FARS2: variants seen among roughly 807,000 people sequenced by gnomAD.
The protein encoded by FARS2 is phenylalanine--tRNA ligase, mitochondrial.
A neutral mutation model predicts 46.4 loss-of-function variants in FARS2; 40 were observed. The ratio of observed to expected loss-of-function variants is 0.86; its 90% CI spans 0.67 to 1.12. FARS2 has a LOEUF of 1.12. Ranked by LOEUF, FARS2 falls within the 50% of genes most tolerant of loss-of-function variation. The pLI is 0.00. For synonymous variants in FARS2, 234 were observed against 214.9 expected, an observed-to-expected ratio of 1.09 and a Z score of -0.78; for missense variants, 513 against 567.9, an observed-to-expected ratio of 0.90 and a Z score of 0.98.
At chr6:5,706,880 G>C (rs923201086) in intron 6 of FARS2, among the ~76,000 whole-genome samples, 2 of 152,234 alleles carry the variant, frequency 1.3e-5, no homozygotes, top group Admixed American at 1.3e-4. Context: ...GAAATTTCGA[G>C]CTTTCCATCC....
chr6:5,617,239 T>G (rs1049011334), intron 6 of FARS2, among the ~76,000 whole-genome samples: 1 of 152,260 alleles, frequency 6.6e-6, no homozygotes, highest in Non-Finnish European at 1.5e-5. Flanking sequence ...ACTTATTCAG[T>G]TCCTTCTGAA....
At chr6:5,422,698 A>G (rs1762620841) in intron 3 of FARS2, among the ~76,000 whole-genome samples, 1 of 152,368 alleles carries the variant, frequency 6.6e-6, no homozygotes, top group Admixed American at 6.5e-5. Flanking sequence ...ATGAAGTGAG[A>G]GCAGGCATGG....
chr6:5,723,038 G>T (rs1184951824), intron 6 of FARS2, among the ~76,000 whole-genome samples: 1 of 152,174 alleles, frequency 6.6e-6, no homozygotes, highest in African/African-American at 2.4e-5. Flanking sequence ...CAGGCAGGAG[G>T]ATGAGTTGGG....
At chr6:5,674,499 T>C (rs1186821096) in intron 6 of FARS2, among the ~76,000 whole-genome samples, 1 of 152,202 alleles carries the variant, frequency 6.6e-6, no homozygotes, top group African/African-American at 2.4e-5. Context: ...GCAGAGGTAA[T>C]AGTTTGGAAG....
chr6:5,484,339 T>A (rs1022785237), intron 4 of FARS2, among the ~76,000 whole-genome samples: 2 of 152,158 alleles, frequency 1.3e-5, no homozygotes, highest in Non-Finnish European at 2.9e-5. Context: ...TCATCATGTA[T>A]TTGCGTCTAA....
At chr6:5,262,627 C>A (rs950840050) in intron 1 of FARS2, among the ~76,000 whole-genome samples, 1 of 152,128 alleles carries the variant, frequency 6.6e-6, no homozygotes, top group Non-Finnish European at 1.5e-5. Flanking sequence ...TCTGACCTTA[C>A]CATTCTTTAG....
In FARS2 at chr6:5,545,334, G is replaced by A. The variant is rs768080529; in HGVS notation, c.1059G>A (p.Lys353=). The change falls in exon 5 of 7, where the codon AAG becomes AAA. Residue 353 remains lysine (K), a synonymous_variant. Transcript: ENST00000274680. ...FCVSNINQKV[K]FQPLSKYPAV... ...TATCCAACATTAATCAGAAGGTGAAGTTTCAGGTAAGATGACTTGCAAGAA... is the reference window on the plus strand; with the variant it reads ...TATCCAACATTAATCAGAAGGTGAAATTTCAGGTAAGATGACTTGCAAGAA... The A allele has an allele frequency of 3.1e-6, 5 of 1,613,110 alleles. No individual in the cohort carries two copies. The highest frequency in any genetic ancestry group is 1.1e-5 in the South Asian group (1 of 90,878).
At chr6:5,726,734 G>T (rs547500875) in intron 6 of FARS2, among the ~76,000 whole-genome samples, 1 of 152,306 alleles carries the variant, frequency 6.6e-6, no homozygotes, top group East Asian at 1.9e-4. Context: ...AGTTCTTAAA[G>T]AACTGCTCTT....
intron 4 of FARS2, among the ~76,000 whole-genome samples, chr6:5,445,829 T>C (rs73719610): frequency 1.3e-5 from 2 of 152,312 alleles, no homozygotes; most frequent in African/African-American, 2.4e-5. Context: ...CATTGGCTGC[T>C]GGGATTGACA....
At chr6:5,674,548 C>T (rs1418621200) in intron 6 of FARS2, among the ~76,000 whole-genome samples, 2 of 152,112 alleles carry the variant, frequency 1.3e-5, no homozygotes, top group East Asian at 3.8e-4. Context: ...AGACAAGGAG[C>T]AATGATTTGC....
intron 3 of FARS2, among the ~76,000 whole-genome samples, chr6:5,426,791 A>ATTTTTAGTAGAG (rs1762879909): frequency 6.6e-6 from 1 of 152,028 alleles, no homozygotes; most frequent in African/African-American, 2.4e-5. Flanking sequence ...ACACCCGACT[A>ATTTTTAGTAGAG]ATTTTTGTAT....
chr6:5,683,609 T>A (rs749041031), intron 6 of FARS2, among the ~76,000 whole-genome samples: 13 of 151,942 alleles, frequency 8.6e-5, no homozygotes, highest in Non-Finnish European at 1.5e-4. Context: ...TTTTTTCTTT[T>A]TTTTTTTCTT....
chr6:5,566,129 G>A (rs886680784), intron 5 of FARS2, among the ~76,000 whole-genome samples: 2 of 152,166 alleles, frequency 1.3e-5, no homozygotes, highest in African/African-American at 4.8e-5. Flanking sequence ...TATGGGAGAA[G>A]ACAGCGTAGT....
At position 5,444,092 on chromosome 6, in the gene FARS2, CGTGTGTGT is replaced by C. The variant is rs35213574; in HGVS notation, c.904+12947_904+12954del. Among the ~76,000 whole-genome samples, 1,185 of 146,310 alleles carry C rather than the reference CGTGTGTGT, an allele frequency of 8.1e-3. 13 individuals are homozygous for C. Among genetic ancestry groups the C allele is most frequent in the African/African-American group, 0.028 (1,098 of 39,278 alleles). On this transcript the variant is annotated intron_variant, in intron 4 of 6. Coordinates refer to ENST00000274680, the MANE Select transcript of FARS2 (RefSeq NM_006567.5). Reference sequence around the variant, plus strand: ...AAGCCACTGATATATGGAAGATCCTCGTGTGTGTGTGTGTGTGTGTGTGTGTGTGTGTG... The same window carrying C: ...AAGCCACTGATATATGGAAGATCCTCGTGTGTGTGTGTGTGTGTGTGTGTG...
chr6:5,418,615 T>C lies in FARS2; in HGVS notation c.773-12426T>C, dbSNP rs527954398. On this transcript the variant is annotated intron_variant, in intron 3 of 6. Coordinates refer to ENST00000274680, the MANE Select transcript of FARS2 (RefSeq NM_006567.5). ...CCTCAGGTAGATTTTTCAACACACA[T>C]GATCAGTGTTCAGTTGAATGCTGAA... Among the ~76,000 whole-genome samples, 101 of 152,350 alleles carry C rather than the reference T, an allele frequency of 6.6e-4. 1 individual carries two copies. Among genetic ancestry groups the C allele is most frequent in the Admixed American group, 1.3e-3 (20 of 15,308 alleles).
At chr6:5,485,968 C>T (rs1766752823) in intron 4 of FARS2, among the ~76,000 whole-genome samples, 3 of 152,186 alleles carry the variant, frequency 2.0e-5, no homozygotes, top group African/African-American at 7.2e-5. Context: ...CAGCCCTGCT[C>T]CAGAATTAGG....
At chr6:5,451,564 A>T in intron 4 of FARS2, 1 of 152,130 alleles carries the variant, frequency 6.6e-6, no homozygotes, top group East Asian at 1.9e-4. Context: ...CCCATGTCTG[A>T]GGTTACAGGG....
intron 6 of FARS2, among the ~76,000 whole-genome samples, chr6:5,720,327 C>T (rs189182981): frequency 2.4e-4 from 36 of 152,282 alleles, no homozygotes; most frequent in African/African-American, 8.2e-4. Context: ...GCTACTCAAA[C>T]GTGTATGAGC....
intron 4 of FARS2, 78 bp from the exon 5 acceptor site, chr6:5,545,102 G>C: frequency 7.2e-7 from 1 of 1,398,074 alleles, no homozygotes; most frequent in South Asian, 1.3e-5. Context: ...TAGTGTCACT[G>C]ATAACTGTCA....
Sources: allele counts gnomAD v4.1 joint callset (sites outside exome capture counted in the v4.1 genomes callset), GRCh38; gene constraint gnomAD v4.1.1; transcripts MANE v1.5; gene names NCBI Gene and HGNC (gene_info 2026-07-23, HGNC 2026-07-21).